The following R3HDM1 variants were observed in gnomAD, a reference collection of about 807,000 sequenced individuals.
R3HDM1 encodes the protein R3H domain containing 1.
A neutral mutation model predicts 141.1 loss-of-function variants in R3HDM1; 46 were observed. That is an observed-to-expected ratio of 0.33 (90% CI 0.26 to 0.42). The LOEUF is 0.42. Among genes scored for constraint, R3HDM1 ranks in the 10% least tolerant of loss-of-function variants. R3HDM1 has a pLI of 1.00. For missense variants in R3HDM1, 1,184 were observed against 1,368.3 expected, an observed-to-expected ratio of 0.87 and a Z score of 2.12; for synonymous variants, 435 against 472.9, an observed-to-expected ratio of 0.92 and a Z score of 1.04.
intron 1 of R3HDM1, chr2:135,586,664 T>C (rs1484037656): frequency 1.0e-6 from 1 of 983,300 alleles, no homozygotes; most frequent in African/African-American, 1.7e-5. Context: ...TGTTTATTTT[T>C]GCAAAAATAT....
rs925712953 is a variant in R3HDM1, at chr2:135,724,389, C to G, written c.*97C>G. 1.3e-5 allele frequency: 12 copies of G among 926,574 alleles called. No individual in the cohort carries two copies. Among genetic ancestry groups the G allele is most frequent in the Non-Finnish European group, 1.9e-5 (12 of 627,006 alleles). 57.4% of individuals were successfully genotyped at this position (926,574 alleles called of 1,614,324 possible). A position where few individuals can be genotyped will look rare whatever the true frequency, so the allele number is the denominator to read the frequency against. ...AGCTTCTGTTAACATTATAGAGACT[C>G]CTAGGATGTGTGTTCATGGCATTAT... On this transcript the variant is annotated 3_prime_UTR_variant, in exon 27 of 27. Transcript: ENST00000683871.
intron 24 of R3HDM1, among the ~76,000 whole-genome samples, chr2:135,717,437 T>C (rs2076275354): frequency 6.6e-6 from 1 of 151,534 alleles, no homozygotes; most frequent in South Asian, 2.1e-4. Context: ...TGAGCCAAGA[T>C]CGCACCACTG....
At chr2:135,631,486 C>T (rs544191260) in intron 7 of R3HDM1, among the ~76,000 whole-genome samples, 2 of 151,412 alleles carry the variant, frequency 1.3e-5, no homozygotes, top group African/African-American at 2.4e-5. Context: ...AAATTCATTA[C>T]ACTATTCTCT....
intron 1 of R3HDM1, among the ~76,000 whole-genome samples, chr2:135,574,388 G>A (rs1342705542): frequency 6.6e-6 from 1 of 152,174 alleles, no homozygotes. Context: ...AGACCTGAAT[G>A]GTTTCACAGA....
chr2:135,703,278 G>A (rs557379390), intron 21 of R3HDM1, among the ~76,000 whole-genome samples: 26 of 152,270 alleles, frequency 1.7e-4, no homozygotes, highest in African/African-American at 5.8e-4. Context: ...TATTAAATGG[G>A]AAATAATCCT....
At chr2:135,539,569 G>A (rs557705432) in intron 1 of R3HDM1, among the ~76,000 whole-genome samples, 1 of 152,130 alleles carries the variant, frequency 6.6e-6, no homozygotes, top group East Asian at 1.9e-4. Flanking sequence ...GATACTGCGA[G>A]TTCAGTTCCA....
chr2:135,699,045 A>AGATACATT (rs202144929), intron 21 of R3HDM1, among the ~76,000 whole-genome samples: 1 of 129,826 alleles, frequency 7.7e-6, no homozygotes, highest in Non-Finnish European at 1.6e-5. Flanking sequence ...ATAGATAGAT[A>AGATACATT]AGATAGATAA....
intron 23 of R3HDM1, among the ~76,000 whole-genome samples, chr2:135,711,342 A>G (rs905265213): frequency 7.2e-5 from 11 of 152,340 alleles, no homozygotes; most frequent in African/African-American, 2.4e-4. Flanking sequence ...GATATAATGT[A>G]TGGATCTTAT....
chr2:135,592,991 C>T (rs1359699887), intron 1 of R3HDM1, among the ~76,000 whole-genome samples: 2 of 152,010 alleles, frequency 1.3e-5, no homozygotes, highest in Non-Finnish European at 2.9e-5. Context: ...GCCATCTCGG[C>T]TCACTGCAAC....
At chr2:135,549,266 G>A (rs1699343731) in intron 1 of R3HDM1, among the ~76,000 whole-genome samples, 1 of 151,812 alleles carries the variant, frequency 6.6e-6, no homozygotes, top group Admixed American at 6.6e-5. Context: ...TAAAAAAATG[G>A]GGTCTTGGCC....
In R3HDM1 at chr2:135,651,757, C is replaced by T; in HGVS notation, c.1753C>T (p.His585Tyr). ...VQDNLGSQFS[H>Y]MSLARQPSAD... is the part of the protein sequence containing the mutation. ...GGATAACCTAGGGTCTCAGTTTAGC[C>T]ACATGAGTCTTGCTCGCCAGCCATC... Residue 585 changes from histidine (H) to tyrosine (Y), a missense_variant, in exon 18 of 27, where the codon CAC becomes TAC. Transcript: ENST00000683871. 1 of 1,613,070 alleles carries T rather than the reference C, an allele frequency of 6.2e-7. No homozygotes were observed. Among genetic ancestry groups the T allele is most frequent in the Non-Finnish European group, 8.5e-7 (1 of 1,179,354 alleles).
At chr2:135,648,048 G>A (rs918229282) in intron 16 of R3HDM1, among the ~76,000 whole-genome samples, 4 of 152,132 alleles carry the variant, frequency 2.6e-5, no homozygotes, top group African/African-American at 4.8e-5. Flanking sequence ...TCATCTGAAA[G>A]TTATGTCTTA....
chr2:135,699,020 TAGA>T (rs1204797438), intron 21 of R3HDM1, among the ~76,000 whole-genome samples: 165 of 119,028 alleles, frequency 1.4e-3, no homozygotes, highest in African/African-American at 2.5e-3. Flanking sequence ...GATAGATAGA[TAGA>T]TAGATAGATA....
At chr2:135,723,691 C>G (rs185970498) in intron 26 of R3HDM1, among the ~76,000 whole-genome samples, 4 of 143,146 alleles carry the variant, frequency 2.8e-5, no homozygotes, top group African/African-American at 1.1e-4. Flanking sequence ...GCAGGAGAAT[C>G]GCTTGAACCT....
intron 21 of R3HDM1, among the ~76,000 whole-genome samples, chr2:135,702,228 A>G (rs1575126037): frequency 2.1e-5 from 1 of 47,370 alleles, no homozygotes. Flanking sequence ...AAAAAAAAAA[A>G]AAAAAAAAAA....
intron 1 of R3HDM1, among the ~76,000 whole-genome samples, chr2:135,568,060 G>A (rs778530690): frequency 6.9e-6 from 1 of 144,894 alleles, no homozygotes; most frequent in Non-Finnish European, 1.5e-5. Flanking sequence ...CCACATTTTT[G>A]TGTTTTTTTG....
chr2:135,643,391 T>C (rs534443924), intron 15 of R3HDM1, among the ~76,000 whole-genome samples: 1 of 151,498 alleles, frequency 6.6e-6, no homozygotes, highest in African/African-American at 2.4e-5. Flanking sequence ...CTCCCAAATA[T>C]TATGTTTTGA....
intron 20 of R3HDM1, among the ~76,000 whole-genome samples, chr2:135,678,842 C>T (rs938250188): frequency 4.0e-5 from 6 of 148,800 alleles, no homozygotes; most frequent in African/African-American, 1.5e-4. Context: ...CTCACTGCAA[C>T]CTCCACCTTC....
chr2:135,533,462 A>C (rs1476230919), intron 1 of R3HDM1, among the ~76,000 whole-genome samples: 1 of 152,226 alleles, frequency 6.6e-6, no homozygotes, highest in Non-Finnish European at 1.5e-5. Flanking sequence ...GCTGTTGAAA[A>C]TTTAGGAGTC....
Sources: gnomAD v4.1 joint callset for allele counts (sites outside exome capture counted in the v4.1 genomes callset) on GRCh38, gnomAD v4.1.1 for gene constraint, MANE v1.5 for transcripts, NCBI Gene and HGNC (gene_info 2026-07-23, HGNC 2026-07-21) for gene names.